The following SPINK5 variants were observed in gnomAD, a reference collection of about 807,000 sequenced individuals.
The protein encoded by SPINK5 is serine protease inhibitor Kazal-type 5.
In SPINK5, 125 loss-of-function variants were observed where a neutral mutation model predicts 151.8. The ratio of observed to expected loss-of-function variants is 0.82; its 90% CI spans 0.71 to 0.96. SPINK5 has a LOEUF of 0.96. SPINK5 is among the 40% of genes least tolerant of loss of function. The probability of loss-of-function intolerance (pLI) is 0.00; values close to 1 mark genes in which losing one functional copy is unlikely to be tolerated. For synonymous variants in SPINK5, 374 were observed against 395.3 expected, an observed-to-expected ratio of 0.95 and a Z score of 0.64; for missense variants, 1,194 against 1,291.9, an observed-to-expected ratio of 0.92 and a Z score of 1.16.
intron 9 of SPINK5, among the ~76,000 whole-genome samples, chr5:148,095,268 C>G (rs1238511390): frequency 6.6e-6 from 1 of 151,946 alleles, no homozygotes. Context: ...CTACCAGCCT[C>G]AAGAACTACA....
chr5:148,119,681 G>A (rs1754198813), intron 24 of SPINK5, among the ~76,000 whole-genome samples: 1 of 152,186 alleles, frequency 6.6e-6, no homozygotes. Context: ...TGACTGTCCT[G>A]CCGCTGCCTC....
At chr5:148,068,578 A>AAAGAAAG (rs1554101973) in intron 2 of SPINK5, among the ~76,000 whole-genome samples, 5 of 74,390 alleles carry the variant, frequency 6.7e-5, no homozygotes, top group African/African-American at 2.0e-4. Flanking sequence ...AAAAAAAAAA[A>AAAGAAAG]AAAGAAAGAA....
intron 15 of SPINK5, 84 bp downstream of exon 15, chr5:148,101,992 G>A (rs1753660676): frequency 6.3e-7 from 1 of 1,590,102 alleles, no homozygotes; most frequent in African/African-American, 1.3e-5. Context: ...TGTGAATAAT[G>A]CATTTTCTTC....
intron 16 of SPINK5, among the ~76,000 whole-genome samples, chr5:148,105,866 CA>C (rs1753769531): frequency 6.6e-6 from 1 of 150,876 alleles, no homozygotes; most frequent in Non-Finnish European, 1.5e-5. Context: ...TCAAGTGATT[CA>C]CTCACCTTGG....
At chr5:148,082,002 T>C (rs1753033275) in intron 4 of SPINK5, among the ~76,000 whole-genome samples, 1 of 151,758 alleles carries the variant, frequency 6.6e-6, no homozygotes, top group Non-Finnish European at 1.5e-5. Flanking sequence ...TACTTTTTCA[T>C]AGTCATATAT....
In SPINK5 at chr5:148,095,836, G is replaced by A; in HGVS notation, c.813G>A (p.Glu271=). 6.2e-7 allele frequency: 1 copy of A among 1,611,964 alleles called. No individual in the cohort carries two copies. Among genetic ancestry groups the A allele is most frequent in the Non-Finnish European group, 8.5e-7 (1 of 1,178,820 alleles). ...CAEIFKQRFS[E]ENSKTDQNLG... Reference sequence around the variant, plus strand: ...TTTCCAGCAAGCAGCGTTTTTCAGAGGAAAACAGTAAAACAGATCAAAATT... The same window carrying A: ...TTTCCAGCAAGCAGCGTTTTTCAGAAGAAAACAGTAAAACAGATCAAAATT... The change falls in exon 10 of 33, where the codon GAG becomes GAA. Residue 271 remains glutamate, a synonymous_variant. Transcript: ENST00000256084.
intron 11 of SPINK5, 48 bp downstream of exon 11, chr5:148,098,042 TAATTTAATAGAAA>T (rs1753519817): frequency 6.4e-7 from 1 of 1,574,700 alleles, no homozygotes; most frequent in Non-Finnish European, 8.7e-7. Context: ...ATCTTGCAGG[TAATTTAATAGAAA>T]CAGCTTCTTT....
At chr5:148,069,525 T>A (rs1438251011) in intron 2 of SPINK5, among the ~76,000 whole-genome samples, 3 of 152,022 alleles carry the variant, frequency 2.0e-5, no homozygotes, top group Non-Finnish European at 2.9e-5. Context: ...TATTGAGAAA[T>A]TTCCTCAGTA....
At chr5:148,118,896 A>G in intron 23 of SPINK5, 90 bp from the exon 24 acceptor site, 1 of 1,335,394 alleles carries the variant, frequency 7.5e-7, no homozygotes, top group Non-Finnish European at 1.1e-6. Context: ...AAGAAAGCTG[A>G]CTTCTTGTCA....
intron 16 of SPINK5, among the ~76,000 whole-genome samples, chr5:148,106,435 C>T (rs1282103547): frequency 6.6e-6 from 1 of 151,920 alleles, no homozygotes; most frequent in Non-Finnish European, 1.5e-5. Context: ...GATCCTCCCA[C>T]CTAAGCCTCC....
chr5:148,123,746 T>C (rs1561704094), intron 26 of SPINK5, 87 bp from the exon 27 acceptor site: 2 of 1,575,336 alleles, frequency 1.3e-6, no homozygotes, highest in Admixed American at 3.4e-5. Flanking sequence ...TCCTGTGTTA[T>C]GAGTTTATAT....
At chr5:148,104,723 G>A (rs1303428779) in intron 15 of SPINK5, among the ~76,000 whole-genome samples, 4 of 151,882 alleles carry the variant, frequency 2.6e-5, no homozygotes, top group East Asian at 1.9e-4. Flanking sequence ...GTGAAACCCC[G>A]TCTCTACTAA....
intron 23 of SPINK5, 38 bp from the exon 24 acceptor site, chr5:148,118,948 T>C (rs781489528): frequency 6.2e-7 from 1 of 1,603,648 alleles, no homozygotes; most frequent in African/African-American, 1.3e-5. Flanking sequence ...GGGTCAATAT[T>C]TGTTAACAAG....
chr5:148,135,538 T>A (rs996044805), intron 32 of SPINK5, among the ~76,000 whole-genome samples: 4 of 152,208 alleles, frequency 2.6e-5, no homozygotes, highest in African/African-American at 9.6e-5. Flanking sequence ...TGGAGTTGCA[T>A]AGCAGGCATT....
At chr5:148,083,438 G>T (rs905046099) in intron 4 of SPINK5, among the ~76,000 whole-genome samples, 1 of 151,012 alleles carries the variant, frequency 6.6e-6, no homozygotes, top group African/African-American at 2.4e-5. Context: ...AGTGAGACTT[G>T]GTTCTTTCAT....
chr5:148,105,014 G>A lies in SPINK5; in HGVS notation c.1479+14G>A. Reference sequence around the variant, plus strand: ...GAAGCTGCAAAGGTAATATTCTCAGGAATGCTGATGCTGTGCCCTGACATT... The same window carrying A: ...GAAGCTGCAAAGGTAATATTCTCAGAAATGCTGATGCTGTGCCCTGACATT... On this transcript the variant is annotated intron_variant, in intron 16 of 32. Transcript: ENST00000256084. The A allele has an allele frequency of 6.2e-7, 1 of 1,613,118 alleles. No individual in the cohort carries two copies. The highest frequency in any genetic ancestry group is 1.1e-5 in the South Asian group (1 of 91,030).
At chr5:148,090,815 T>C (rs1753288394) in intron 7 of SPINK5, 1 of 241,740 alleles carries the variant, frequency 4.1e-6, no homozygotes, top group Non-Finnish European at 8.1e-6. Context: ...AAAGGGAATT[T>C]TCCTGACAAT....
Position 148,095,876 on chromosome 5 carries a change from G to GA in SPINK5, c.859dup (p.Thr287AsnfsTer2), listed in dbSNP as rs1753443192. The GA allele has an allele frequency of 1.2e-6, 2 of 1,612,284 alleles. No homozygotes were observed. Among genetic ancestry groups the GA allele is most frequent in the Non-Finnish European group, 1.7e-6 (2 of 1,178,952 alleles). ...AGATCAAAATTTGGGAAAAGCTGAA[G>GA]AAAAAACTAAAGTTAAAAGAGAAAT... is the stretch of plus-strand genomic sequence containing the variant. On this transcript the variant is annotated frameshift_variant, in exon 10 of 33. Transcript: ENST00000256084. LOFTEE classifies it high-confidence loss of function.
intron 4 of SPINK5, among the ~76,000 whole-genome samples, chr5:148,076,266 A>G (rs1752878263): frequency 1.3e-5 from 2 of 151,826 alleles, no homozygotes; most frequent in South Asian, 4.1e-4. Flanking sequence ...AACATAGGGG[A>G]AAAACATAGG....
Sources: gnomAD v4.1 joint callset for allele counts (sites outside exome capture counted in the v4.1 genomes callset) on GRCh38, gnomAD v4.1.1 for gene constraint, MANE v1.5 for transcripts, NCBI Gene and HGNC (gene_info 2026-07-23, HGNC 2026-07-21) for gene names.